The following NCEH1 variants were observed in gnomAD, a reference collection of about 807,000 sequenced individuals.
NCEH1 encodes the protein 2-acetyl MAGE hydrolase.
NCEH1 carries 9 observed loss-of-function variants against 25.4 expected under a neutral mutation model. The ratio of observed to expected loss-of-function variants is 0.35; its 90% confidence interval spans 0.21 to 0.62. The LOEUF (loss-of-function observed/expected upper bound fraction) is 0.62, where lower values mean the gene tolerates loss of function less well. NCEH1 is among the 20% of genes least tolerant of loss of function. NCEH1 has a pLI of 0.72. For missense variants in NCEH1, 412 were observed against 501.1 expected (o/e 0.82, Z 1.70); for synonymous variants, 200 against 199.8 (o/e 1.00, Z -0.01).
chr3:172,644,342 G>C (rs1717015925), intron 3 of NCEH1, among the ~76,000 whole-genome samples: 1 of 152,198 alleles, frequency 6.6e-6, no homozygotes, highest in African/African-American at 2.4e-5. Flanking sequence ...CAGAAGAAAA[G>C]ATCCACTCAA....
Position 172,634,082 on chromosome 3 carries a change from T to C in NCEH1, c.620A>G (p.Asp207Gly). The change falls in exon 5 of 5, where the codon GAT becomes GGT. Residue 207 changes from aspartate (D) to glycine (G), a missense_variant. Coordinates refer to ENST00000475381, the MANE Select transcript of NCEH1 (RefSeq NM_020792.6). ...TTTGAGCTTATTTTTTAGGCTGGCATCTTGAGTAAACTAGAGAAGAGGAAG... is the reference window on the plus strand; with the variant it reads ...TTTGAGCTTATTTTTTAGGCTGGCACCTTGAGTAAACTAGAGAAGAGGAAG... Reference protein sequence around the residue: ...AAALGQQFTQDASLKNKLKLQ... With the variant: ...AAALGQQFTQGASLKNKLKLQ... The C allele has an allele frequency of 6.2e-7, 1 of 1,613,068 alleles. No individual in the cohort carries two copies. Among genetic ancestry groups the C allele is most frequent in the Non-Finnish European group, 8.5e-7 (1 of 1,179,600 alleles).
At chr3:172,686,058 C>A (rs1712676981) in intron 1 of NCEH1, among the ~76,000 whole-genome samples, 1 of 149,772 alleles carries the variant, frequency 6.7e-6, no homozygotes. Flanking sequence ...TCACAATGCA[C>A]GTCAGCTTTT....
At chr3:172,706,346 T>C (rs141754710) in intron 1 of NCEH1, among the ~76,000 whole-genome samples, 12 of 152,288 alleles carry the variant, frequency 7.9e-5, no homozygotes, top group Admixed American at 6.5e-4. Flanking sequence ...ATATAAATAG[T>C]GTATGATCTA....
intron 1 of NCEH1, among the ~76,000 whole-genome samples, chr3:172,653,756 T>G (rs76363042): frequency 1.5e-3 from 146 of 96,944 alleles, no homozygotes; most frequent in Non-Finnish European, 1.9e-3. Context: ...TTTTTTGTTT[T>G]TTTGTTTTTT....
chr3:172,706,609 C>G (rs1484169767), intron 1 of NCEH1, among the ~76,000 whole-genome samples: 1 of 150,010 alleles, frequency 6.7e-6, no homozygotes. Context: ...AGCGATTCTT[C>G]TGCCTCAGCC....
At position 172,634,063 on chromosome 3, in the gene NCEH1, C is replaced by T. The variant is rs1716497817; in HGVS notation, c.639G>A (p.Lys213=). 1 of 1,613,416 alleles carries T rather than the reference C, an allele frequency of 6.2e-7. No individual in the cohort carries two copies. ...QFTQDASLKN[K]LKLQALIYPV... ...GATAAATTAAAGCTTGTAGTTTGAG[C>T]TTATTTTTTAGGCTGGCATCTTGAG... The change falls in exon 5 of 5, where the codon AAG becomes AAA. Residue 213 remains lysine, a synonymous_variant. Coordinates refer to ENST00000475381, the MANE Select transcript of NCEH1 (RefSeq NM_020792.6).
intron 1 of NCEH1, among the ~76,000 whole-genome samples, chr3:172,707,584 T>TTTA (rs1369461957): frequency 3.9e-5 from 6 of 152,114 alleles, no homozygotes; most frequent in Non-Finnish European, 8.8e-5. Context: ...GTTTTTTATT[T>TTTA]TTATTATTAT....
chr3:172,657,079 G>A (rs1481102789), intron 1 of NCEH1, among the ~76,000 whole-genome samples: 2 of 151,724 alleles, frequency 1.3e-5, no homozygotes, highest in East Asian at 3.9e-4. Context: ...CTGACCACTG[G>A]CCCTTTAAAT....
intron 1 of NCEH1, chr3:172,680,691 C>T (rs34317070): frequency 1.3e-5 from 2 of 151,988 alleles, no homozygotes; most frequent in Admixed American, 1.3e-4. Context: ...ATCAGCCACT[C>T]TACACCCTTG....
chr3:172,667,305 C>G (rs959743560), intron 1 of NCEH1, among the ~76,000 whole-genome samples: 14 of 152,318 alleles, frequency 9.2e-5, no homozygotes, highest in African/African-American at 3.4e-4. Flanking sequence ...TAACCAGAAC[C>G]ATTTTTCTAG....
chr3:172,692,503 G>T (rs568644395), intron 1 of NCEH1, among the ~76,000 whole-genome samples: 4 of 150,436 alleles, frequency 2.7e-5, no homozygotes, highest in African/African-American at 5.0e-5. Flanking sequence ...GACCACAGGT[G>T]CATGTCACCA....
intron 1 of NCEH1, among the ~76,000 whole-genome samples, chr3:172,658,216 G>A (rs1192478808): frequency 2.0e-5 from 3 of 152,168 alleles, no homozygotes; most frequent in African/African-American, 7.2e-5. Context: ...GTTTACAAAT[G>A]CCACCGCAAC....
intron 1 of NCEH1, among the ~76,000 whole-genome samples, chr3:172,675,727 T>C (rs1489939536): frequency 1.3e-5 from 2 of 152,172 alleles, no homozygotes; most frequent in African/African-American, 4.8e-5. Flanking sequence ...ATGCATGCTG[T>C]TCTCAAGGAA....
chr3:172,668,656 C>T (rs1448740304), intron 1 of NCEH1, among the ~76,000 whole-genome samples: 1 of 151,906 alleles, frequency 6.6e-6, no homozygotes, highest in African/African-American at 2.4e-5. Flanking sequence ...ATCTTTGAGA[C>T]ACTGAATTGA....
chr3:172,682,987 G>A (rs1712470997), intron 1 of NCEH1, among the ~76,000 whole-genome samples: 1 of 152,244 alleles, frequency 6.6e-6, no homozygotes, highest in Admixed American at 6.5e-5. Flanking sequence ...CAGCTAAGAA[G>A]TAGAAAGGAT....
At chr3:172,668,940 G>A (rs573335782) in intron 1 of NCEH1, among the ~76,000 whole-genome samples, 2 of 151,860 alleles carry the variant, frequency 1.3e-5, no homozygotes, top group South Asian at 2.1e-4. Flanking sequence ...AAAACATAGC[G>A]ACTCCTGTAC....
intron 1 of NCEH1, among the ~76,000 whole-genome samples, chr3:172,695,806 T>C (rs1056786141): frequency 6.6e-6 from 1 of 152,040 alleles, no homozygotes; most frequent in South Asian, 2.1e-4. Context: ...TAGCTGAGCA[T>C]GGTGGAGCAC....
chr3:172,691,645 G>A (rs746512554), intron 1 of NCEH1, among the ~76,000 whole-genome samples: 30 of 152,286 alleles, frequency 2.0e-4, no homozygotes, highest in South Asian at 4.1e-4. Context: ...TGGCAAATGA[G>A]GGTAAAGAAA....
chr3:172,690,414 T>TA (rs1380284217), intron 1 of NCEH1, among the ~76,000 whole-genome samples: 2 of 152,134 alleles, frequency 1.3e-5, no homozygotes, highest in Non-Finnish European at 2.9e-5. Flanking sequence ...AGTAACAAGT[T>TA]AAAAAAATCG....
Sources: gnomAD v4.1 joint callset for allele counts (sites outside exome capture counted in the v4.1 genomes callset) on GRCh38, gnomAD v4.1.1 for gene constraint, MANE v1.5 for transcripts, NCBI Gene and HGNC (gene_info 2026-07-23, HGNC 2026-07-21) for gene names.